Variants in ADCY10 observed in about 807,000 individuals in gnomAD.
ADCY10 encodes the protein adenylate cyclase 10.
In ADCY10, 156 loss-of-function variants were observed where a neutral mutation model predicts 183.3. That is an observed-to-expected ratio of 0.85 (90% CI 0.75 to 0.97). The LOEUF (loss-of-function observed/expected upper bound fraction) is 0.97, where lower values mean the gene tolerates loss of function less well. ADCY10 is among the 50% of genes least tolerant of loss of function. ADCY10 has a pLI of 0.00. For missense variants in ADCY10, 1,745 were observed against 1,934.3 expected (o/e 0.90, Z 1.84); for synonymous variants, 645 against 670.0 (o/e 0.96, Z 0.58).
chr1:167,819,373 G>T (rs543146424), intron 30 of ADCY10, among the ~76,000 whole-genome samples: 19 of 150,840 alleles, frequency 1.3e-4, no homozygotes, highest in Admixed American at 4.0e-4. Context: ...GCCTCGCTGG[G>T]ATTACAGGCG....
intron 22 of ADCY10, 126 bp from the exon 23 acceptor site, chr1:167,836,666 G>A: frequency 1.5e-6 from 1 of 681,846 alleles, no homozygotes; most frequent in South Asian, 1.7e-5. Flanking sequence ...GAAGCTGGTG[G>A]ATCATCTGAG....
intron 4 of ADCY10, 69 bp downstream of exon 4, chr1:167,901,947 C>T (rs1571455815): frequency 6.2e-7 from 1 of 1,607,766 alleles, no homozygotes; most frequent in Non-Finnish European, 8.5e-7. Context: ...CCTCCTTTGT[C>T]CCCAACACAG....
intron 32 of ADCY10, 117 bp downstream of exon 32, chr1:167,810,608 C>G (rs768566841): frequency 1.1e-6 from 1 of 916,610 alleles, no homozygotes; most frequent in Non-Finnish European, 1.8e-6. Flanking sequence ...CATCAATGAC[C>G]CAGTCTAAGA....
At position 167,823,121 on chromosome 1, in the gene ADCY10, T is replaced by C. The variant is rs200816878; in HGVS notation, c.4055A>G (p.Tyr1352Cys). 47 of 1,613,802 alleles carry C rather than the reference T, an allele frequency of 2.9e-5. No individual in the cohort carries two copies. The East Asian group carries it at 4.2e-4, about 15-fold the overall frequency. ...CCCCAGCACCTGGATCAATTGCGGG[T>C]ATCTATGGAAAAGAAAAGGTAGTGG... The part of the protein sequence containing the change: ...LSRCLLLNSR[Y>C]PQLIQVLGRL... The change falls in exon 29 of 33, where the codon TAC (tyrosine) becomes TGC (cysteine). Residue 1352 changes from tyrosine (Y) to cysteine (C), a missense_variant and splice_region_variant. Physicochemically the swap from Tyr to Cys is radical, Grantham distance 194. Transcript: ENST00000367851.
chr1:167,838,891 C>T (rs1664420063), intron 21 of ADCY10, among the ~76,000 whole-genome samples: 1 of 152,216 alleles, frequency 6.6e-6, no homozygotes, highest in South Asian at 2.1e-4. Context: ...TATCCATTTT[C>T]TCAAGACAAA....
intron 17 of ADCY10, among the ~76,000 whole-genome samples, chr1:167,854,839 G>GGA (rs368154978): frequency 6.6e-5 from 10 of 151,336 alleles, no homozygotes; most frequent in South Asian, 2.1e-4. Flanking sequence ...AGAGAGAGGG[G>GGA]GAGAGAGAGA....
At chr1:167,882,374 A>G (rs993865990) in intron 9 of ADCY10, among the ~76,000 whole-genome samples, 1 of 151,518 alleles carries the variant, frequency 6.6e-6, no homozygotes, top group Non-Finnish European at 1.5e-5. Context: ...AATCCCAGCT[A>G]CTCAGGAGGC....
intron 14 of ADCY10, among the ~76,000 whole-genome samples, chr1:167,866,530 C>CAA (rs57450280): frequency 0.032 from 3,550 of 109,968 alleles, 108 homozygotes; most frequent in Non-Finnish European, 0.053. Context: ...CTCTATGTGC[C>CAA]AAAAAAAAAA....
Position 167,899,639 on chromosome 1 carries a change from G to C in ADCY10, c.437-11C>G. 1 of 1,613,260 alleles carries C rather than the reference G, an allele frequency of 6.2e-7. No homozygotes were observed. The highest frequency in any genetic ancestry group is 8.5e-7 in the Non-Finnish European group (1 of 1,179,748). On this transcript the variant is annotated splice_polypyrimidine_tract_variant and intron_variant, in intron 5 of 32. Coordinates refer to ENST00000367851, the MANE Select transcript of ADCY10 (RefSeq NM_018417.6). ...GGCCAGCAGCCAGTCCTGGCAAGAA[G>C]GCAAGGAATAGGTTTGCACAAGAAG...
chr1:167,844,356 T>C (rs772144692), intron 21 of ADCY10, among the ~76,000 whole-genome samples: 32 of 152,214 alleles, frequency 2.1e-4, no homozygotes, highest in Non-Finnish European at 3.2e-4. Context: ...GATGGACTAG[T>C]GTTAGTGCAG....
At chr1:167,816,532 T>C (rs1662540032) in intron 31 of ADCY10, among the ~76,000 whole-genome samples, 1 of 151,330 alleles carries the variant, frequency 6.6e-6, no homozygotes, top group African/African-American at 2.4e-5. Context: ...GGTGACAGAG[T>C]GAGACTCCAT....
intron 7 of ADCY10, 73 bp downstream of exon 7, chr1:167,896,522 G>C (rs1038937787): frequency 2.5e-6 from 3 of 1,202,876 alleles, no homozygotes; most frequent in Admixed American, 3.4e-5. Context: ...CAGTAATGAA[G>C]CTGTCGGCAT....
At chr1:167,818,017 G>C (rs780763505) in intron 31 of ADCY10, 55 bp downstream of exon 31, 12 of 1,508,920 alleles carry the variant, frequency 8.0e-6, no homozygotes, top group Non-Finnish European at 1.1e-5. Context: ...ACAGGAAGTA[G>C]ACAGAGATCC....
chr1:167,861,778 C>A (rs192743585), intron 14 of ADCY10, among the ~76,000 whole-genome samples: 42 of 152,304 alleles, frequency 2.8e-4, no homozygotes, highest in African/African-American at 9.6e-4. Flanking sequence ...CAAATCTCAT[C>A]CCGTATTGCA....
chr1:167,870,058 A>G (rs1666985156), intron 14 of ADCY10, among the ~76,000 whole-genome samples, 199 bp downstream of exon 14: 1 of 152,242 alleles, frequency 6.6e-6, no homozygotes, highest in South Asian at 2.1e-4. Context: ...AAATCAGGAT[A>G]TCCATGGGTC....
intron 31 of ADCY10, among the ~76,000 whole-genome samples, chr1:167,811,587 A>AAAAT (rs1373728078): frequency 3.9e-5 from 6 of 152,192 alleles, no homozygotes; most frequent in South Asian, 2.1e-4. Context: ...CTCCATCTCA[A>AAAAT]AAATAAATAA....
chr1:167,857,560 T>C (rs1023000291), intron 16 of ADCY10, among the ~76,000 whole-genome samples: 7 of 152,234 alleles, frequency 4.6e-5, no homozygotes, highest in African/African-American at 1.2e-4. Flanking sequence ...ATGAATTCAA[T>C]AATAAAACAT....
intron 8 of ADCY10, among the ~76,000 whole-genome samples, chr1:167,887,555 G>T (rs1390179906): frequency 6.6e-6 from 1 of 152,110 alleles, no homozygotes; most frequent in Non-Finnish European, 1.5e-5. Flanking sequence ...TGGGCTGGGG[G>T]GAAGGGGGAG....
chr1:167,886,482 A>G (rs1338900981), intron 8 of ADCY10, among the ~76,000 whole-genome samples: 1 of 152,222 alleles, frequency 6.6e-6, no homozygotes, highest in Non-Finnish European at 1.5e-5. Flanking sequence ...TGCTGGGAAA[A>G]CTGGCTAGCC....
Sources: allele counts gnomAD v4.1 joint callset (sites outside exome capture counted in the v4.1 genomes callset), GRCh38; gene constraint gnomAD v4.1.1; transcripts MANE v1.5; gene names NCBI Gene and HGNC (gene_info 2026-07-23, HGNC 2026-07-21).